ZNF469: variants seen among roughly 807,000 people sequenced by gnomAD.
ZNF469 encodes the protein zinc finger protein 469.
A neutral mutation model predicts 1.0 loss-of-function variants in ZNF469; 1 was observed. That is an observed-to-expected ratio of 1.00 (90% confidence interval 0.35 to 4.73). The LOEUF is 4.73. ZNF469 is among the 30% of genes most tolerant of loss of function. ZNF469 has a pLI of 0.16. For synonymous variants in ZNF469, 2,703 were observed against 2,363.4 expected, an observed-to-expected ratio of 1.14 and a Z score of -4.17; for missense variants, 6,100 against 5,356.3, an observed-to-expected ratio of 1.14 and a Z score of -4.33.
chr16:88,131,319 G>A, the ZNF469 span, among the ~76,000 whole-genome samples: 3 of 152,116 alleles, frequency 2.0e-5, no homozygotes, highest in South Asian at 2.1e-4. Flanking sequence ...CAAGGCTGGT[G>A]TGTCGCCTAA....
the ZNF469 span, among the ~76,000 whole-genome samples, chr16:88,225,702 C>G: frequency 1.3e-5 from 2 of 152,076 alleles, no homozygotes; most frequent in African/African-American, 4.8e-5. Context: ...ACAAAGAGGC[C>G]CTGGAGAGAT....
chr16:88,249,991 C>T, the ZNF469 span, among the ~76,000 whole-genome samples: 1 of 152,240 alleles, frequency 6.6e-6, no homozygotes, highest in African/African-American at 2.4e-5. Flanking sequence ...AAGTTGGCTC[C>T]TCAAGTGAAA....
chr16:88,154,001 C>G, the ZNF469 span, among the ~76,000 whole-genome samples: 86,833 of 151,056 alleles, frequency 0.57, 28,630 homozygotes, highest in Non-Finnish European at 0.76. Flanking sequence ...CCTAATTAAG[C>G]CTCAAGGTAT....
the ZNF469 span, among the ~76,000 whole-genome samples, chr16:88,313,938 G>T: frequency 6.8e-6 from 1 of 148,116 alleles, no homozygotes. Context: ...GCTGATGTGG[G>T]CTGTCTCTGT....
the ZNF469 span, among the ~76,000 whole-genome samples, chr16:88,372,660 A>G: frequency 1.3e-5 from 2 of 150,674 alleles, no homozygotes; most frequent in East Asian, 3.9e-4. Flanking sequence ...CATCTTTACC[A>G]TCTTCACCAT....
At chr16:88,277,688 C>T in the ZNF469 span, among the ~76,000 whole-genome samples, 3,407 of 112,618 alleles carry the variant, frequency 0.03, 294 homozygotes, top group African/African-American at 0.13. Context: ...GATATCAGTG[C>T]ACGGTTAGTG....
chr16:88,435,070 T>C lies in ZNF469; in HGVS notation c.7600T>C (p.Ser2534Pro). 6.5e-7 allele frequency: 1 copy of C among 1,550,270 alleles called. No individual in the cohort carries two copies. The highest frequency in any genetic ancestry group is 8.7e-7 in the Non-Finnish European group (1 of 1,146,962). The change falls in exon 3 of 3, where the codon TCT (serine) becomes CCT (proline). Residue 2534 changes from serine to proline, a missense_variant. By Grantham distance (74) the Ser-to-Pro change is moderately conservative (BLOSUM62 -1). Coordinates refer to ENST00000565624, the MANE Select transcript of ZNF469 (RefSeq NM_001367624.2). ...QPPRKKSHRVSGKERPNHSRG... is the reference protein window; with the variant it reads ...QPPRKKSHRVPGKERPNHSRG... ...GCCCAGGAAGAAAAGCCACAGGGTG[T>C]CTGGGAAGGAGAGACCAAATCACTC...
chr16:88,131,197 G>A, the ZNF469 span, among the ~76,000 whole-genome samples: 1 of 152,240 alleles, frequency 6.6e-6, no homozygotes. Flanking sequence ...ATTCCGTGTC[G>A]AGTAAGGCGC....
the ZNF469 span, among the ~76,000 whole-genome samples, chr16:88,143,528 G>A: frequency 7.7e-3 from 1,174 of 152,170 alleles, 11 homozygotes; most frequent in African/African-American, 0.025. Flanking sequence ...CCACCTTCGG[G>A]CCTCTGCTCC....
chr16:88,315,936 A>G, the ZNF469 span, among the ~76,000 whole-genome samples: 1 of 152,152 alleles, frequency 6.6e-6, no homozygotes, highest in Admixed American at 6.5e-5. Context: ...TTCCAGAGGA[A>G]ACCTGGAAGT....
the ZNF469 span, among the ~76,000 whole-genome samples, chr16:88,134,625 C>G: frequency 2.0e-5 from 3 of 152,216 alleles, no homozygotes; most frequent in Admixed American, 6.5e-5. Context: ...CCAAGTAGCT[C>G]CTAAAAAGCG....
At chr16:88,190,493 G>A in the ZNF469 span, among the ~76,000 whole-genome samples, 6 of 152,254 alleles carry the variant, frequency 3.9e-5, no homozygotes, top group Non-Finnish European at 7.3e-5. Flanking sequence ...AGGACAGGAA[G>A]GAGAGGGAGA....
chr16:88,402,883 G>T (rs565832985), intron 1 of ZNF469, among the ~76,000 whole-genome samples: 1 of 152,168 alleles, frequency 6.6e-6, no homozygotes, highest in African/African-American at 2.4e-5. Flanking sequence ...CACTCCACCA[G>T]CCAGGCTTTC....
chr16:88,226,127 G>C, the ZNF469 span, among the ~76,000 whole-genome samples: 6 of 152,154 alleles, frequency 3.9e-5, no homozygotes, highest in African/African-American at 1.4e-4. Context: ...TTTCGCAGGC[G>C]TCTGTGCTGG....
Position 88,431,453 on chromosome 16 carries a change from T to G in ZNF469, c.3983T>G (p.Leu1328Arg). ...DPPARQPGEF[L>R]APVANPSSTA... is the part of the protein sequence containing the mutation. ...CCTGCCCGCCAGCCTGGAGAATTTCTGGCACCCGTGGCTAACCCCTCAAGT... is the reference window on the plus strand; with the variant it reads ...CCTGCCCGCCAGCCTGGAGAATTTCGGGCACCCGTGGCTAACCCCTCAAGT... The change falls in exon 3 of 3, where the codon CTG becomes CGG. Residue 1328 changes from leucine (L) to arginine (R), a missense_variant. Coordinates refer to ENST00000565624, the MANE Select transcript of ZNF469 (RefSeq NM_001367624.2). The G allele has an allele frequency of 6.4e-7, 1 of 1,550,412 alleles. No homozygotes were observed. The highest frequency in any genetic ancestry group is 2.0e-5 in the Admixed American group (1 of 51,014).
the ZNF469 span, among the ~76,000 whole-genome samples, chr16:88,147,562 C>T: frequency 1.3e-5 from 2 of 151,998 alleles, no homozygotes; most frequent in African/African-American, 4.8e-5. Context: ...GCTGCTTTCA[C>T]TCTCAGGGAG....
chr16:88,399,651 TAGC>T (rs1416035921), intron 1 of ZNF469, among the ~76,000 whole-genome samples: 1 of 152,212 alleles, frequency 6.6e-6, no homozygotes, highest in Non-Finnish European at 1.5e-5. Context: ...ACATTTTCAA[TAGC>T]AGAACACGCT....
chr16:88,151,091 G>T, the ZNF469 span, among the ~76,000 whole-genome samples: 3 of 152,348 alleles, frequency 2.0e-5, 1 homozygote, highest in Middle Eastern at 0.01. The surrounding 1 kb of genome is among the most constrained non-coding windows in gnomAD (Gnocchi z 5.4). Flanking sequence ...AGCCCCACAG[G>T]GGGCAGCTTT....
the ZNF469 span, among the ~76,000 whole-genome samples, chr16:88,177,024 G>A: frequency 1.3e-5 from 2 of 152,226 alleles, no homozygotes; most frequent in Non-Finnish European, 2.9e-5. This position sits in a 1 kb window ranked among gnomAD's most constrained non-coding sequence, Gnocchi z 4.8. Flanking sequence ...TAGAAACCTC[G>A]AGGCAAAGGA....
Sources: allele counts gnomAD v4.1 joint callset (sites outside exome capture counted in the v4.1 genomes callset), GRCh38; gene constraint gnomAD v4.1.1; non-coding constraint Gnocchi (gnomAD v3.1); transcripts MANE v1.5; gene names NCBI Gene and HGNC (gene_info 2026-07-23, HGNC 2026-07-21).